The following EIF4EBP1 variants were observed in gnomAD, a reference collection of about 807,000 sequenced individuals.
EIF4EBP1 encodes the protein eukaryotic translation initiation factor 4E-binding protein 1.
EIF4EBP1 carries 5 observed loss-of-function variants against 9.2 expected under a neutral mutation model. That is an observed-to-expected ratio of 0.54 (90% CI 0.28 to 1.14). The LOEUF (loss-of-function observed/expected upper bound fraction) is 1.14. EIF4EBP1 is among the 50% of genes most tolerant of loss of function. The pLI, the probability that EIF4EBP1 is intolerant of heterozygous loss-of-function variation, is 0.09. For synonymous variants in EIF4EBP1, 62 were observed against 67.0 expected (o/e 0.93, Z 0.36); for missense variants, 139 against 169.6 (o/e 0.82, Z 1.00).
At chr8:38,031,881 G>A (rs1809228000) in intron 1 of EIF4EBP1, among the ~76,000 whole-genome samples, 1 of 152,212 alleles carries the variant, frequency 6.6e-6, no homozygotes, top group Non-Finnish European at 1.5e-5. Context: ...TTCCCAGATT[G>A]GACAAGAAAT....
At chr8:38,034,904 T>C (rs1195425508) in intron 1 of EIF4EBP1, among the ~76,000 whole-genome samples, 1 of 152,150 alleles carries the variant, frequency 6.6e-6, no homozygotes, top group Admixed American at 6.6e-5. Flanking sequence ...TGGACATTAA[T>C]GCAGTGAGGG....
At chr8:38,043,367 C>CTTTT (rs60303823) in intron 1 of EIF4EBP1, among the ~76,000 whole-genome samples, 212 of 139,586 alleles carry the variant, frequency 1.5e-3, no homozygotes, top group African/African-American at 5.4e-3. Context: ...TTTTCTTTTT[C>CTTTT]TTTTTTTTTT....
intron 1 of EIF4EBP1, among the ~76,000 whole-genome samples, chr8:38,045,286 A>G (rs1809435347): frequency 1.3e-5 from 2 of 152,194 alleles, no homozygotes; most frequent in South Asian, 4.1e-4. Flanking sequence ...TCCAAGCACT[A>G]TGCTATTTGT....
In EIF4EBP1 at chr8:38,034,982, C is replaced by T. The variant is rs189988236; in HGVS notation, c.145+4264C>T. On this transcript the variant is annotated intron_variant, in intron 1 of 2. Coordinates refer to ENST00000338825, the MANE Select transcript of EIF4EBP1 (RefSeq NM_004095.4). ...TTAAAGTGTTTGAAGGAGCTGGGTG[C>T]GGTGGCTCACTCCTGTAATCCCAGC... 2.5e-3 allele frequency among the ~76,000 whole-genome samples: 380 copies of T among 152,202 alleles called. 1 individual carries two copies. Among genetic ancestry groups the T allele is most frequent in the Non-Finnish European group, 4.2e-3 (288 of 68,008 alleles).
intron 1 of EIF4EBP1, among the ~76,000 whole-genome samples, chr8:38,042,495 T>A (rs1809395648): frequency 6.6e-6 from 1 of 152,070 alleles, no homozygotes; most frequent in Non-Finnish European, 1.5e-5. Flanking sequence ...AAATGAATTA[T>A]CTCCTAGTTC....
chr8:38,051,041 C>G (rs1213041195), intron 1 of EIF4EBP1, among the ~76,000 whole-genome samples: 1 of 152,130 alleles, frequency 6.6e-6, no homozygotes, highest in African/African-American at 2.4e-5. Flanking sequence ...CACCTGGCAC[C>G]CCTCTGGTAA....
chr8:38,049,671 G>A (rs1172941686), intron 1 of EIF4EBP1, among the ~76,000 whole-genome samples: 5 of 151,604 alleles, frequency 3.3e-5, no homozygotes, highest in Admixed American at 2.6e-4. Context: ...TAGTAGAGAT[G>A]GGTTTTCACC....
rs185102941 is a variant in EIF4EBP1 at position 38,046,102 on chromosome 8, C to T, written c.146-10979C>T. On this transcript the variant is annotated intron_variant, in intron 1 of 2. Transcript: ENST00000338825. ...ATGTTTAATAGAGACAGGGTTTCAC[C>T]ATGTTGGTCAGGCTGGTCTCAAACT... 4.1e-3 allele frequency among the ~76,000 whole-genome samples: 621 copies of T among 152,222 alleles called. 4 individuals are homozygous for T. Among genetic ancestry groups the T allele is most frequent in the African/African-American group, 0.014 (592 of 41,540 alleles).
chr8:38,032,240 C>T (rs1382445410), intron 1 of EIF4EBP1, among the ~76,000 whole-genome samples: 1 of 152,130 alleles, frequency 6.6e-6, no homozygotes, highest in Non-Finnish European at 1.5e-5. Flanking sequence ...GGCCCGGGTA[C>T]CAAGGTTCAC....
chr8:38,058,813 G>A (rs748084134), intron 2 of EIF4EBP1, among the ~76,000 whole-genome samples: 33 of 152,242 alleles, frequency 2.2e-4, no homozygotes, highest in Non-Finnish European at 3.5e-4. Context: ...GCCAGGCACA[G>A]TGGCTCATGC....
intron 1 of EIF4EBP1, among the ~76,000 whole-genome samples, chr8:38,047,699 G>A (rs1026920865): frequency 1.3e-5 from 2 of 152,234 alleles, no homozygotes; most frequent in African/African-American, 4.8e-5. Context: ...TGGCCAGGCT[G>A]GTCTCGAACT....
At position 38,059,969 on chromosome 8, in the gene EIF4EBP1, G is replaced by C; in HGVS notation, c.*34G>C. 6.8e-7 allele frequency: 1 copy of C among 1,478,366 alleles called. No individual in the cohort carries two copies. The allele number at this position is 1,478,366 out of a possible 1,614,324, so 91.6% of individuals were successfully genotyped here. A position where few individuals can be genotyped will look rare whatever the true frequency, so the allele number is the denominator to read the frequency against. On this transcript the variant is annotated 3_prime_UTR_variant, in exon 3 of 3. Transcript: ENST00000338825. ...CCATCGTGTGGAGCACTACCAAGGGGCCCCTCAGGGCCTTCCTGGGAGGAG... is the reference window on the plus strand; with the variant it reads ...CCATCGTGTGGAGCACTACCAAGGGCCCCCTCAGGGCCTTCCTGGGAGGAG...
At position 38,048,971 on chromosome 8, in the gene EIF4EBP1, C is replaced by G. The variant is rs180787405; in HGVS notation, c.146-8110C>G. Among the ~76,000 whole-genome samples the G allele has an allele frequency of 8.3e-3, 1,252 of 151,292 alleles. 16 individuals carry two copies. Among genetic ancestry groups the G allele is most frequent in the African/African-American group, 0.029 (1,193 of 41,226 alleles). On this transcript the variant is annotated intron_variant, in intron 1 of 2. Coordinates refer to ENST00000338825, the MANE Select transcript of EIF4EBP1 (RefSeq NM_004095.4). Reference sequence around the variant, plus strand: ...AGAAACCCCATCTCTACTAAAAATACAAAATTAGCCGGGCTTGGTGGTGCA... The same window carrying G: ...AGAAACCCCATCTCTACTAAAAATAGAAAATTAGCCGGGCTTGGTGGTGCA...
In EIF4EBP1 at chr8:38,030,651, C is replaced by T; in HGVS notation, c.78C>T (p.Gly26=). 1 of 1,507,236 alleles carries T rather than the reference C, an allele frequency of 6.6e-7. No homozygotes were observed. Among genetic ancestry groups the T allele is most frequent in the Non-Finnish European group, 8.8e-7 (1 of 1,134,512 alleles). 93.4% of individuals were successfully genotyped at this position (1,507,236 alleles called of 1,614,324 possible). The change falls in exon 1 of 3, where the codon GGC becomes GGT. Residue 26 remains glycine, a synonymous_variant. Transcript: ENST00000338825. ...CTCGCCGGGTGGTGCTCGGCGACGG[C>T]GTGCAGCTCCCGCCCGGGGACTACA... is the stretch of plus-strand genomic sequence containing the variant. The part of the protein sequence containing the change: ...PATRRVVLGD[G]VQLPPGDYST...
intron 1 of EIF4EBP1, among the ~76,000 whole-genome samples, chr8:38,040,551 A>C (rs1034506443): frequency 6.6e-6 from 1 of 152,148 alleles, no homozygotes; most frequent in African/African-American, 2.4e-5. Context: ...TTCTTTGTAG[A>C]TCTTGCTGAG....
At chr8:38,035,033 T>C (rs1007529200) in intron 1 of EIF4EBP1, among the ~76,000 whole-genome samples, 10 of 152,056 alleles carry the variant, frequency 6.6e-5, no homozygotes, top group African/African-American at 2.4e-4. Context: ...GACAGGAAAA[T>C]TACTTGAGGC....
At chr8:38,039,112 G>C (rs570833448) in intron 1 of EIF4EBP1, among the ~76,000 whole-genome samples, 48 of 151,684 alleles carry the variant, frequency 3.2e-4, no homozygotes, top group Admixed American at 1.8e-3. Flanking sequence ...GGCTGGTCTC[G>C]AACTCCCAAG....
intron 1 of EIF4EBP1, among the ~76,000 whole-genome samples, chr8:38,035,127 G>A (rs1181922511): frequency 1.3e-5 from 2 of 152,162 alleles, no homozygotes; most frequent in Non-Finnish European, 1.5e-5. Context: ...AGTGTTGGAA[G>A]CATTCCACAC....
chr8:38,050,464 C>T (rs1402729579), intron 1 of EIF4EBP1, among the ~76,000 whole-genome samples: 4 of 152,056 alleles, frequency 2.6e-5, no homozygotes, highest in Admixed American at 1.3e-4. Context: ...ATCCTCCCAC[C>T]TCTGCCTCCT....
Sources: allele counts gnomAD v4.1 joint callset (sites outside exome capture counted in the v4.1 genomes callset), GRCh38; gene constraint gnomAD v4.1.1; transcripts MANE v1.5; gene names NCBI Gene and HGNC (gene_info 2026-07-23, HGNC 2026-07-21).